FKBP11: variants seen among roughly 807,000 people sequenced by gnomAD.
The protein encoded by FKBP11 is FKBP prolyl isomerase 11, also known as peptidyl-prolyl cis-trans isomerase FKBP11.
Under a neutral mutation model 24.7 loss-of-function variants are expected in FKBP11, and 21 were observed. That is an observed-to-expected ratio of 0.85 (90% CI 0.60 to 1.23). The LOEUF (loss-of-function observed/expected upper bound fraction) is 1.23, where lower values mean the gene tolerates loss of function less well. Among genes scored for constraint, FKBP11 ranks in the 50% most tolerant of loss-of-function variants. The pLI, the probability that FKBP11 is intolerant of heterozygous loss-of-function variation, is 0.00. For missense variants in FKBP11, 245 were observed against 248.7 expected (o/e 0.99, Z 0.10); for synonymous variants, 106 against 100.6 (o/e 1.05, Z -0.32).
chr12:48,935,529 A>G, the FKBP11 span, among the ~76,000 whole-genome samples: 1 of 152,148 alleles, frequency 6.6e-6, no homozygotes, highest in African/African-American at 2.4e-5. Flanking sequence ...AGACACTGGT[A>G]GCAGGGGAGG....
the FKBP11 span, among the ~76,000 whole-genome samples, chr12:48,934,117 C>T: frequency 3.3e-5 from 5 of 152,204 alleles, no homozygotes. Flanking sequence ...CAACTTCCTG[C>T]TGTAACCAAC....
upstream of FKBP11, chr12:48,931,414 C>G: frequency 6.5e-7 from 1 of 1,535,852 alleles, no homozygotes; most frequent in Non-Finnish European, 8.7e-7. Flanking sequence ...CACCCACAGG[C>G]AGCACAAGCC....
At chr12:48,927,986 A>G (rs1300460093), upstream of FKBP11, among the ~76,000 whole-genome samples, 1 of 150,868 alleles carries the variant, frequency 6.6e-6, no homozygotes, top group Non-Finnish European at 1.5e-5. Context: ...GAGTAGTTCA[A>G]TCTGTAACTG....
chr12:48,930,188 A>C (rs1428800262), upstream of FKBP11, among the ~76,000 whole-genome samples: 1 of 152,256 alleles, frequency 6.6e-6, no homozygotes, highest in Non-Finnish European at 1.5e-5. Flanking sequence ...ATCTAATTAC[A>C]CTAATATAGA....
At position 48,925,064 on chromosome 12, in the gene FKBP11, C is replaced by A; in HGVS notation, c.177G>T (p.Thr59=). 1.9e-6 allele frequency: 3 copies of A among 1,613,424 alleles called. No homozygotes were observed. The highest frequency in any genetic ancestry group is 2.5e-6 in the Non-Finnish European group (3 of 1,179,780). The part of the protein sequence containing the change: ...PCAEPAAFGD[T]LHIHYTGSLV... ...CCCTCACCGTGTAGTGTATGTGAAG[C>A]GTGTCTCCAAAAGCAGCGGGCTCGG... is the stretch of plus-strand genomic sequence containing the variant. The change falls in exon 2 of 6, where the codon ACG becomes ACT. Residue 59 remains threonine, a synonymous_variant. Transcript: ENST00000550765.
At chr12:48,933,335 C>T in the FKBP11 span, among the ~76,000 whole-genome samples, 2 of 152,220 alleles carry the variant, frequency 1.3e-5, no homozygotes, top group Admixed American at 1.3e-4. Context: ...GACACTCTCT[C>T]TCCAGGTACT....
At chr12:48,924,960 T>C in intron 2 of FKBP11, 86 bp downstream of exon 2, 1 of 1,497,862 alleles carries the variant, frequency 6.7e-7, no homozygotes, top group Non-Finnish European at 8.9e-7. Flanking sequence ...CCCGAACCGC[T>C]TGCCACGTGT....
At chr12:48,929,737 A>C (rs1720229236), upstream of FKBP11, among the ~76,000 whole-genome samples, 1 of 152,226 alleles carries the variant, frequency 6.6e-6, no homozygotes, top group Non-Finnish European at 1.5e-5. Flanking sequence ...TGTCTGACAC[A>C]TCAATGCTCA....
At chr12:48,932,742 C>T in the FKBP11 span, among the ~76,000 whole-genome samples, 2 of 152,080 alleles carry the variant, frequency 1.3e-5, no homozygotes, top group Admixed American at 1.3e-4. Context: ...GCTGGGAGGA[C>T]CCTGAACGAT....
chr12:48,925,561 C>T, upstream of FKBP11: 1 of 1,134,644 alleles, frequency 8.8e-7, no homozygotes, highest in African/African-American at 1.6e-5. Context: ...GCTCCTCCTC[C>T]TGCAGCCCTT....
chr12:48,936,386 AG>A, the FKBP11 span: 1 of 152,722 alleles, frequency 6.5e-6, no homozygotes, highest in African/African-American at 2.4e-5. Flanking sequence ...GGGAGTCCTC[AG>A]GAAGCAGAAA....
the FKBP11 span, among the ~76,000 whole-genome samples, chr12:48,932,235 A>T: frequency 9.8e-5 from 3 of 30,530 alleles, no homozygotes; most frequent in Middle Eastern, 0.01. Context: ...ATTTATATAT[A>T]TATATATATA....
the FKBP11 span, chr12:48,931,681 T>C: frequency 3.6e-6 from 2 of 557,752 alleles, no homozygotes; most frequent in East Asian, 6.0e-5. Context: ...CATGCCCAGC[T>C]TGATTAAAGA....
intron 5 of FKBP11, chr12:48,923,448 C>G: frequency 6.5e-7 from 1 of 1,545,940 alleles, no homozygotes; most frequent in Non-Finnish European, 8.7e-7. Context: ...GCTGACACAG[C>G]GTAGAGTTGT....
chr12:48,922,978 ATC>A (rs1206685812), intron 5 of FKBP11: 15 of 785,300 alleles, frequency 1.9e-5, no homozygotes, highest in African/African-American at 5.5e-5. Flanking sequence ...GAGAAGCCCC[ATC>A]TCTACTAAAA....
chr12:48,925,756 C>A, upstream of FKBP11: 1 of 343,124 alleles, frequency 2.9e-6, no homozygotes, highest in Admixed American at 4.1e-5. Flanking sequence ...CTCTAATCCT[C>A]AAAACCACCC....
At chr12:48,924,400 A>G in intron 3 of FKBP11, 144 bp from the exon 4 acceptor site, 1 of 1,190,352 alleles carries the variant, frequency 8.4e-7, no homozygotes, top group Non-Finnish European at 1.2e-6. Flanking sequence ...ATATGGGACA[A>G]GTGGAGTACT....
chr12:48,924,393 T>C (rs961881013), intron 3 of FKBP11, 137 bp from the exon 4 acceptor site: 37 of 1,220,560 alleles, frequency 3.0e-5, no homozygotes, highest in Non-Finnish European at 4.3e-5. Context: ...CAATAGGATA[T>C]GGGACAAGTG....
At chr12:48,924,868 CAAG>C in intron 2 of FKBP11, 175 bp downstream of exon 2, 1 of 1,443,578 alleles carries the variant, frequency 6.9e-7, no homozygotes, top group Non-Finnish European at 9.1e-7. Context: ...GGCAGAAAAG[CAAG>C]GAGGGAAAAG....
Sources: gnomAD v4.1 joint callset for allele counts (sites outside exome capture counted in the v4.1 genomes callset) on GRCh38, gnomAD v4.1.1 for gene constraint, MANE v1.5 for transcripts, NCBI Gene and HGNC (gene_info 2026-07-23, HGNC 2026-07-21) for gene names.